The following TBCE variants were observed in gnomAD, a reference collection of about 807,000 sequenced individuals.
TBCE encodes the protein tubulin folding cofactor E.
In TBCE, 53 loss-of-function variants were observed where a neutral mutation model predicts 77.0. The observed-to-expected ratio is 0.69, with a 90% confidence interval of 0.55 to 0.87. The LOEUF (loss-of-function observed/expected upper bound fraction) is 0.87. Ranked by LOEUF, TBCE falls within the 40% of genes least tolerant of loss-of-function variation. TBCE has a pLI of 0.00. For missense variants in TBCE, 624 were observed against 622.4 expected, an observed-to-expected ratio of 1.00 and a Z score of -0.03; for synonymous variants, 235 against 241.3, an observed-to-expected ratio of 0.97 and a Z score of 0.24.
At chr1:235,373,344 A>G (rs1298359784) in intron 1 of TBCE, among the ~76,000 whole-genome samples, 1 of 152,200 alleles carries the variant, frequency 6.6e-6, no homozygotes, top group Non-Finnish European at 1.5e-5. Flanking sequence ...GGAAGATGGT[A>G]GTAAATCAGA....
At chr1:235,382,355 G>A (rs1394815059) in intron 2 of TBCE, among the ~76,000 whole-genome samples, 1 of 152,112 alleles carries the variant, frequency 6.6e-6, no homozygotes, top group African/African-American at 2.4e-5. Flanking sequence ...GGGTCAAATG[G>A]TATTTCTAGT....
At position 235,436,401 on chromosome 1, in the gene TBCE, C is replaced by T; in HGVS notation, c.849C>T (p.Ile283=). The part of the protein sequence containing the change: ...IAHLPRLEQL[I]LSDTGISSLH... ...TGAATTTCAGGTTAGAACAATTAAT[C>T]CTCTCTGACACTGGAATTTCTTCTC... is the stretch of plus-strand genomic sequence containing the variant. Residue 283 remains isoleucine (I), a synonymous_variant, in exon 10 of 17, where the codon ATC becomes ATT. Transcript: ENST00000642610. 1 of 1,613,882 alleles carries T rather than the reference C, an allele frequency of 6.2e-7. No homozygotes were observed. Among genetic ancestry groups the T allele is most frequent in the Non-Finnish European group, 8.5e-7 (1 of 1,179,854 alleles).
chr1:235,394,098 G>A (rs1406528815), intron 2 of TBCE, among the ~76,000 whole-genome samples: 7 of 151,582 alleles, frequency 4.6e-5, no homozygotes, highest in African/African-American at 1.2e-4. Context: ...TTTTTGAGAC[G>A]GAGTCTCGCT....
chr1:235,451,521 CA>C lies in TBCE; in HGVS notation c.*2761del, dbSNP rs1328268153. 7.5e-6 allele frequency: 1 copy of C among 133,670 alleles called. No individual in the cohort carries two copies. Among genetic ancestry groups the C allele is most frequent in the African/African-American group, 2.8e-5 (1 of 35,708 alleles). The allele number at this position is 133,670 out of a possible 1,614,324, so 8.3% of individuals were successfully genotyped here. ...CGCATCAGAAAACAAGCGCCATGAA[CA>C]ACAGTTGTAGAAACAACAAACTGCA... On this transcript the variant is annotated 3_prime_UTR_variant, in exon 17 of 17. Transcript: ENST00000642610.
intron 2 of TBCE, among the ~76,000 whole-genome samples, chr1:235,389,210 T>A (rs1678219958): frequency 6.6e-6 from 1 of 152,256 alleles, no homozygotes. Flanking sequence ...AAATTTTATT[T>A]ATTAAATTGC....
intron 7 of TBCE, 178 bp from the exon 8 acceptor site, chr1:235,434,026 C>G: frequency 3.0e-6 from 2 of 656,758 alleles, no homozygotes; most frequent in East Asian, 2.7e-5. Flanking sequence ...ACCCCCTTAA[C>G]ATTTTATTTA....
At chr1:235,420,298 G>A (rs1680326324) in intron 5 of TBCE, among the ~76,000 whole-genome samples, 1 of 151,634 alleles carries the variant, frequency 6.6e-6, no homozygotes, top group Non-Finnish European at 1.5e-5. Context: ...TTCAGCCCTG[G>A]TCTGTTTTCT....
At chr1:235,407,371 C>G (rs914098637) in intron 3 of TBCE, among the ~76,000 whole-genome samples, 4 of 152,064 alleles carry the variant, frequency 2.6e-5, no homozygotes, top group African/African-American at 9.7e-5. Flanking sequence ...CAGGTGTTAC[C>G]CGCCGTGTCC....
intron 1 of TBCE, among the ~76,000 whole-genome samples, chr1:235,371,346 G>A (rs1170972712): frequency 4.0e-5 from 6 of 148,502 alleles, no homozygotes; most frequent in South Asian, 2.1e-4. Context: ...GTGAGCCACC[G>A]CCCCCGGCCA....
Position 235,441,801 on chromosome 1 carries a change from CT to C in TBCE, c.1271-10del. Reference sequence around the variant, plus strand: ...TTTGGTTTATCATTCATCTCTTTTGCTTTCTTAAACAGAATATGGTGCACCT... The same window carrying C: ...TTTGGTTTATCATTCATCTCTTTTGCTTCTTAAACAGAATATGGTGCACCT... On this transcript the variant is annotated splice_polypyrimidine_tract_variant and intron_variant, in intron 13 of 16. Transcript: ENST00000642610. 1 of 1,613,412 alleles carries C rather than the reference CT, an allele frequency of 6.2e-7. No individual in the cohort carries two copies. Among genetic ancestry groups the C allele is most frequent in the Non-Finnish European group, 8.5e-7 (1 of 1,179,530 alleles).
chr1:235,369,238 G>A (rs778481075), intron 1 of TBCE, among the ~76,000 whole-genome samples: 2 of 152,286 alleles, frequency 1.3e-5, no homozygotes, highest in Non-Finnish European at 2.9e-5. Flanking sequence ...GCCGGGCGTG[G>A]TGGCTCATGC....
At chr1:235,399,029 C>T (rs1443063111) in intron 2 of TBCE, among the ~76,000 whole-genome samples, 1 of 152,012 alleles carries the variant, frequency 6.6e-6, no homozygotes, top group Non-Finnish European at 1.5e-5. Context: ...CCTTGGCTCA[C>T]TGCAACCTCC....
intron 13 of TBCE, 35 bp from the exon 14 acceptor site, chr1:235,441,779 G>T (rs1320091734): frequency 1.3e-6 from 2 of 1,592,594 alleles, no homozygotes; most frequent in East Asian, 2.2e-5. Context: ...AGTGGCCTTT[G>T]GTTTATCATT....
At chr1:235,398,142 C>CTTTTTTT (rs11285697) in intron 2 of TBCE, among the ~76,000 whole-genome samples, 1 of 129,742 alleles carries the variant, frequency 7.7e-6, no homozygotes, top group East Asian at 2.1e-4. Context: ...TTACTTCTTT[C>CTTTTTTT]TTTTTTTTTT....
intron 2 of TBCE, among the ~76,000 whole-genome samples, chr1:235,397,492 C>G (rs1245492455): frequency 1.3e-5 from 2 of 152,176 alleles, no homozygotes; most frequent in African/African-American, 4.8e-5. Context: ...GGATTACAGG[C>G]GTAAGCCACC....
At chr1:235,437,881 G>A (rs571389609) in intron 12 of TBCE, among the ~76,000 whole-genome samples, 1 of 151,946 alleles carries the variant, frequency 6.6e-6, no homozygotes, top group East Asian at 1.9e-4. Context: ...GGGGTGAGAT[G>A]TAGCTTTCCT....
chr1:235,373,794 G>A lies in TBCE; in HGVS notation c.-31-6225G>A, dbSNP rs1342235837. 4.1e-5 allele frequency among the ~76,000 whole-genome samples: 6 copies of A among 145,522 alleles called. No individual in the cohort carries two copies. The East Asian group carries it at 5.9e-4, about 14-fold the overall frequency. ...CTCCCGAGTAGCTGGGACTACAAGC[G>A]CCCGCCACCACGCCTGGCTAATTTT... On this transcript the variant is annotated intron_variant, in intron 1 of 16. Coordinates refer to ENST00000642610, the MANE Select transcript of TBCE (RefSeq NM_003193.5).
At position 235,450,353 on chromosome 1, in the gene TBCE, A is replaced by C; in HGVS notation, c.*1591A>C. 5 of 1,613,382 alleles carry C rather than the reference A, an allele frequency of 3.1e-6. No individual in the cohort carries two copies. Among genetic ancestry groups the C allele is most frequent in the East Asian group, 2.2e-5 (1 of 44,872 alleles). ...GCCACAGACTGTCCTGTTGAGAAAC[A>C]ACCAAAGCCGATCTGAGAGTGGTGA... On this transcript the variant is annotated 3_prime_UTR_variant, in exon 17 of 17. Coordinates refer to ENST00000642610, the MANE Select transcript of TBCE (RefSeq NM_003193.5).
chr1:235,394,813 A>T (rs1407249567), intron 2 of TBCE, among the ~76,000 whole-genome samples: 1 of 152,060 alleles, frequency 6.6e-6, no homozygotes, highest in Non-Finnish European at 1.5e-5. Flanking sequence ...CTGGGGCCCA[A>T]GTGATCGTCC....
Sources: gnomAD v4.1 joint callset for allele counts (sites outside exome capture counted in the v4.1 genomes callset) on GRCh38, gnomAD v4.1.1 for gene constraint, MANE v1.5 for transcripts, NCBI Gene and HGNC (gene_info 2026-07-23, HGNC 2026-07-21) for gene names.